Variants in RFX1 observed in about 807,000 individuals in gnomAD.
RFX1 encodes MHC class II regulatory factor RFX1.
In RFX1, 42 loss-of-function variants were observed where a neutral mutation model predicts 119.6. The observed-to-expected ratio is 0.35, with a 90% CI of 0.27 to 0.45. The LOEUF (loss-of-function observed/expected upper bound fraction) is 0.45. RFX1 is among the 20% of genes least tolerant of loss of function. The pLI, the probability that RFX1 is intolerant of heterozygous loss-of-function variation, is 1.00. For synonymous variants in RFX1, 628 were observed against 618.5 expected, an observed-to-expected ratio of 1.02 and a Z score of -0.23; for missense variants, 1,118 against 1,368.1, an observed-to-expected ratio of 0.82 and a Z score of 2.88.
intron 1 of RFX1, among the ~76,000 whole-genome samples, chr19:14,002,474 G>C (rs1975249142): frequency 1.3e-5 from 2 of 151,936 alleles, no homozygotes; most frequent in Non-Finnish European, 2.9e-5. Context: ...GACAGAGTAG[G>C]ACTCTGTCTC....
At position 13,969,930 on chromosome 19, in the gene RFX1, G is replaced by T; in HGVS notation, c.1496+64C>A. On this transcript the variant is annotated intron_variant, in intron 10 of 20. Coordinates refer to ENST00000254325, the MANE Select transcript of RFX1 (RefSeq NM_002918.5). The surrounding 1 kb of genome is among the most constrained non-coding windows in gnomAD (Gnocchi z 4.5). Reference sequence around the variant, plus strand: ...GGACTGCCTGAGATGACTCGGAGTGGGGGTGGGCCTTGGCATGCCCACCAA... The same window carrying T: ...GGACTGCCTGAGATGACTCGGAGTGTGGGTGGGCCTTGGCATGCCCACCAA... 6.7e-7 allele frequency: 1 copy of T among 1,492,998 alleles called. No individual in the cohort carries two copies. 92.5% of individuals were successfully genotyped at this position (1,492,998 alleles called of 1,614,324 possible). A position where few individuals can be genotyped will look rare whatever the true frequency, so the allele number is the denominator to read the frequency against.
intron 18 of RFX1, 61 bp downstream of exon 18, chr19:13,963,477 A>AC (rs1361084729): frequency 6.7e-7 from 1 of 1,501,890 alleles, no homozygotes; most frequent in Non-Finnish European, 9.0e-7. Flanking sequence ...AGCACCTGAG[A>AC]CCCCCAGGGA....
intron 18 of RFX1, 75 bp downstream of exon 18, chr19:13,963,463 G>T: frequency 1.3e-6 from 2 of 1,483,056 alleles, no homozygotes; most frequent in Non-Finnish European, 1.8e-6. Context: ...GGTCGTCGTA[G>T]AAGAGCACCT....
rs575405322 is a variant in RFX1, at chr19:13,989,107, G to A, written c.319+4418C>T. ...GTCAGAAAGGTAGTGTCTGAGCAGCGACCTAAGGGAGACAAGAGGCAAGCT... is the reference window on the plus strand; with the variant it reads ...GTCAGAAAGGTAGTGTCTGAGCAGCAACCTAAGGGAGACAAGAGGCAAGCT... On this transcript the variant is annotated intron_variant, in intron 2 of 20. Coordinates refer to ENST00000254325, the MANE Select transcript of RFX1 (RefSeq NM_002918.5). Among the ~76,000 whole-genome samples the A allele has an allele frequency of 3.3e-5, 5 of 152,214 alleles. No homozygotes were observed. The East Asian group carries it at 7.7e-4, about 24-fold the overall frequency.
chr19:13,970,197 A>G, intron 9 of RFX1, 22 bp from the exon 10 acceptor site: 1 of 1,580,200 alleles, frequency 6.3e-7, no homozygotes, highest in South Asian at 1.1e-5. Context: ...GGGAGATGGG[A>G]GAGCACCAGT....
intron 19 of RFX1, 38 bp from the exon 20 acceptor site, chr19:13,963,077 C>T: frequency 6.2e-7 from 1 of 1,601,052 alleles, no homozygotes; most frequent in Non-Finnish European, 8.5e-7. Flanking sequence ...GAGGGTCCCG[C>T]CGCCTGGCGC....
chr19:13,991,661 T>A (rs1399313632), intron 2 of RFX1, among the ~76,000 whole-genome samples: 1 of 151,890 alleles, frequency 6.6e-6, no homozygotes, highest in Non-Finnish European at 1.5e-5. Context: ...ATTGCTACAC[T>A]TTTCATTACT....
intron 16 of RFX1, among the ~76,000 whole-genome samples, chr19:13,964,397 T>C (rs1244180632): frequency 2.0e-5 from 3 of 151,928 alleles, no homozygotes; most frequent in African/African-American, 7.3e-5. Context: ...CTTTTTTTTT[T>C]TTTTAAAAAC....
At chr19:14,000,261 G>A (rs1288442768) in intron 1 of RFX1, among the ~76,000 whole-genome samples, 3 of 152,060 alleles carry the variant, frequency 2.0e-5, no homozygotes, top group African/African-American at 4.8e-5. Context: ...TGAGGCGGGC[G>A]GATCATTTGA....
In RFX1 at chr19:13,972,198, A is replaced by AT. The variant is rs763759891; in HGVS notation, c.1314+544dup. Among the ~76,000 whole-genome samples, 268 of 133,878 alleles carry AT rather than the reference A, an allele frequency of 2.0e-3. 1 individual carries two copies. The highest frequency in any genetic ancestry group is 1.9e-3 in the East Asian group (9 of 4,724). The allele number at this position is 133,878 out of a possible 152,430, so 87.8% of individuals were successfully genotyped here. On this transcript the variant is annotated intron_variant, in intron 9 of 20. Coordinates refer to ENST00000254325, the MANE Select transcript of RFX1 (RefSeq NM_002918.5). ...AAAAAAAAAAAAAAAAGTAGACAAC[A>AT]TTTTTTTTTTTTTTTTGAGACAGAA...
At chr19:13,992,163 G>A (rs1389012312) in intron 2 of RFX1, among the ~76,000 whole-genome samples, 1 of 152,126 alleles carries the variant, frequency 6.6e-6, no homozygotes, top group East Asian at 1.9e-4. Flanking sequence ...CACTAGCTGT[G>A]CACAGTGGCA....
chr19:13,970,254 A>G, intron 9 of RFX1, 79 bp from the exon 10 acceptor site: 4 of 1,274,456 alleles, frequency 3.1e-6, no homozygotes, highest in South Asian at 1.4e-5. Context: ...AGTGCCCCAC[A>G]TCGACTTCCA....
At position 13,979,452 on chromosome 19, in the gene RFX1, G is replaced by C. The variant is rs1184852674; in HGVS notation, c.829C>G (p.Gln277Glu). The change falls in exon 7 of 21, where the codon CAA becomes GAA. Residue 277 changes from glutamine to glutamate, a missense_variant. Around this residue, in one of 5 missense-constraint regions of RFX1, gnomAD observed 542 missense variants for 602.7 expected, o/e 0.90. Transcript: ENST00000254325. ...TAGGAGGGGGAGACACACACCTCTT[G>C]AGCCACGTGGACTGGCTGGAGGCCC... is the stretch of plus-strand genomic sequence containing the variant. The part of the protein sequence containing the change: ...VQGLQPVHVA[Q>E]EVQQLQQVPV... The C allele has an allele frequency of 1.9e-6, 3 of 1,584,582 alleles. No homozygotes were observed. Among genetic ancestry groups the C allele is most frequent in the East Asian group, 2.3e-5 (1 of 43,052 alleles).
intron 12 of RFX1, among the ~76,000 whole-genome samples, chr19:13,967,875 C>T (rs1973955057): frequency 6.6e-6 from 1 of 152,156 alleles, no homozygotes; most frequent in African/African-American, 2.4e-5. Context: ...GATGGGAAAG[C>T]GAGTGGGCCT....
chr19:13,980,711 G>A lies in RFX1; in HGVS notation c.622-22C>T, dbSNP rs1024695850. The A allele has an allele frequency of 7.0e-6, 6 of 853,714 alleles. No individual in the cohort carries two copies. Among genetic ancestry groups the A allele is most frequent in the Non-Finnish European group, 9.4e-6 (6 of 636,882 alleles). 52.9% of individuals were successfully genotyped at this position (853,714 alleles called of 1,614,324 possible). A position where few individuals can be genotyped will look rare whatever the true frequency, so the allele number is the denominator to read the frequency against. On this transcript the variant is annotated intron_variant, in intron 5 of 20. Transcript: ENST00000254325. The surrounding 1 kb of genome is among the most constrained non-coding windows in gnomAD (Gnocchi z 5.1). ...ACTGCTGTAAGGGAAGGAGACACAG[G>A]AGTGCCGCTGGGGTGGGCTTGCATC...
rs199537041 is a variant in RFX1 at position 13,963,158 on chromosome 19, C to T, written c.2688G>A (p.Gln896=). 26 of 1,612,504 alleles carry T rather than the reference C, an allele frequency of 1.6e-5. No homozygotes were observed. The East Asian group carries it at 2.5e-4, about 15-fold the overall frequency. Residue 896 remains glutamine, a synonymous_variant, in exon 19 of 21, where the codon CAG becomes CAA. Transcript: ENST00000254325. ...MYYLIEHRVA[Q]AKGETPIAVM... ...CGGCGATGGGGGTCTCGCCCTTGGC[C>T]TGGGCTACGCGGTGCTCGATCAGGT...
At chr19:13,993,216 G>A (rs772188248) in intron 2 of RFX1, among the ~76,000 whole-genome samples, 8 of 152,158 alleles carry the variant, frequency 5.3e-5, no homozygotes, top group African/African-American at 1.4e-4. Context: ...GATTGCTTGA[G>A]CCTGGAGGGT....
In RFX1 at chr19:13,963,664, T is replaced by G; in HGVS notation, c.2444A>C (p.Gln815Pro). The change falls in exon 18 of 21, where the codon CAG becomes CCG. Residue 815 changes from glutamine (Q) to proline (P), a missense_variant. This residue lies in a region of RFX1 where 68 missense variants were observed against 67.2 expected (regional missense o/e 1.01). Transcript: ENST00000254325. Reference sequence around the variant, plus strand: ...GGCCGCCCACTGCTCCAGCGAGTTCTGCTGCTGCAGCGTCACCTTGAAGTC... The same window carrying G: ...GGCCGCCCACTGCTCCAGCGAGTTCGGCTGCTGCAGCGTCACCTTGAAGTC... ...EQDFKVTLQQQNSLEQWAAWL... is the reference protein window; with the variant it reads ...EQDFKVTLQQPNSLEQWAAWL... 6.2e-7 allele frequency: 1 copy of G among 1,603,840 alleles called. No homozygotes were observed. Among genetic ancestry groups the G allele is most frequent in the East Asian group, 2.2e-5 (1 of 44,618 alleles).
At position 13,999,761 on chromosome 19, in the gene RFX1, T is replaced by C. The variant is rs141654873; in HGVS notation, c.-52-5866A>G. ...CACAGTCTCTGCTCACTGCAACCTC[T>C]GCCTCCCGGGTTCAAGTGATTCTCC... On this transcript the variant is annotated intron_variant, in intron 1 of 20. Transcript: ENST00000254325. Among the ~76,000 whole-genome samples the C allele has an allele frequency of 7.9e-3, 1,207 of 152,094 alleles. 17 individuals are homozygous for C. Among genetic ancestry groups the C allele is most frequent in the African/African-American group, 0.022 (920 of 41,506 alleles).
Sources: gnomAD v4.1 joint callset for allele counts (sites outside exome capture counted in the v4.1 genomes callset) on GRCh38, gnomAD v4.1.1 for gene constraint, gnomAD v4.1.1 regional missense constraint, Gnocchi (gnomAD v3.1) non-coding constraint, MANE v1.5 for transcripts, NCBI Gene and HGNC (gene_info 2026-07-23, HGNC 2026-07-21) for gene names.